The following POU2AF2 variants were observed in gnomAD, a reference collection of about 807,000 sequenced individuals.
POU2AF2 encodes POU class 2 homeobox associating factor 2, also known as POU domain class 2-associating factor 2.
the POU2AF2 span, among the ~76,000 whole-genome samples, chr11:111,274,917 C>G: frequency 1.1e-4 from 17 of 152,068 alleles, no homozygotes; most frequent in East Asian, 1.9e-4. Flanking sequence ...TCAGGTTATT[C>G]TCTCTATGCT....
At chr11:111,281,484 A>C in the POU2AF2 span, 1 of 1,600,456 alleles carries the variant, frequency 6.2e-7, no homozygotes, top group Non-Finnish European at 8.6e-7. Context: ...TTTTGAATTT[A>C]AATCAAGCAT....
At chr11:111,275,749 A>G in the POU2AF2 span, among the ~76,000 whole-genome samples, 1 of 152,310 alleles carries the variant, frequency 6.6e-6, no homozygotes, top group South Asian at 2.1e-4. Flanking sequence ...AATACATAAC[A>G]CTTAATACAT....
the POU2AF2 span, chr11:111,286,244 T>C: frequency 1.6e-6 from 1 of 614,486 alleles, no homozygotes; most frequent in East Asian, 3.3e-5. Flanking sequence ...AGAATGTTAA[T>C]TAAATGTGTC....
the POU2AF2 span, among the ~76,000 whole-genome samples, chr11:111,247,394 G>A: frequency 2.0e-5 from 3 of 152,162 alleles, no homozygotes; most frequent in Admixed American, 1.3e-4. Flanking sequence ...GGAGTTTGTG[G>A]ATACCTACAG....
chr11:111,268,329 A>C, the POU2AF2 span, among the ~76,000 whole-genome samples: 1 of 152,026 alleles, frequency 6.6e-6, no homozygotes, highest in East Asian at 1.9e-4. Context: ...TTTACCATAA[A>C]AATTATTTTT....
the POU2AF2 span, among the ~76,000 whole-genome samples, chr11:111,249,807 T>C: frequency 3.3e-5 from 5 of 152,152 alleles, no homozygotes; most frequent in East Asian, 5.8e-4. Flanking sequence ...TTCCTACATT[T>C]CTGGCCTCTC....
the POU2AF2 span, among the ~76,000 whole-genome samples, chr11:111,278,003 G>A: frequency 6.6e-6 from 1 of 152,128 alleles, no homozygotes; most frequent in East Asian, 1.9e-4. Context: ...AATATTAAGG[G>A]ACCTACTTCT....
the POU2AF2 span, among the ~76,000 whole-genome samples, chr11:111,271,527 T>C: frequency 3.3e-5 from 5 of 152,080 alleles, no homozygotes; most frequent in Non-Finnish European, 5.9e-5. Flanking sequence ...GCTCGGGAGA[T>C]CTTCCTGCCT....
chr11:111,254,787 G>A, the POU2AF2 span, among the ~76,000 whole-genome samples: 113,514 of 152,076 alleles, frequency 0.75, 42,708 homozygotes, highest in South Asian at 0.83. Context: ...TGCCTCATAC[G>A]TACATTTGTT....
the POU2AF2 span, among the ~76,000 whole-genome samples, chr11:111,272,287 C>A: frequency 3.3e-5 from 5 of 152,174 alleles, no homozygotes; most frequent in Admixed American, 6.5e-5. Context: ...CCCCAAACTT[C>A]ATCCCTGCCC....
chr11:111,256,226 G>A, the POU2AF2 span: 2 of 396,086 alleles, frequency 5.0e-6, no homozygotes, highest in Non-Finnish European at 8.9e-6. Flanking sequence ...ACGCAGTATA[G>A]AATTATTCTG....
At chr11:111,276,453 A>AAAAAATATATATATATATAT in the POU2AF2 span, among the ~76,000 whole-genome samples, 4 of 37,650 alleles carry the variant, frequency 1.1e-4, no homozygotes, top group South Asian at 1.1e-3. Flanking sequence ...AAAAAAAAAA[A>AAAAAATATATATATATATAT]ATATATATAT....
the POU2AF2 span, among the ~76,000 whole-genome samples, chr11:111,255,587 G>A: frequency 6.6e-6 from 1 of 152,324 alleles, no homozygotes; most frequent in East Asian, 1.9e-4. Flanking sequence ...CTGTTATGCT[G>A]TAACCTGAAT....
At chr11:111,276,453 A>AAAAAAATTATAT in the POU2AF2 span, among the ~76,000 whole-genome samples, 1 of 37,692 alleles carries the variant, frequency 2.7e-5, no homozygotes, top group African/African-American at 9.6e-5. Flanking sequence ...AAAAAAAAAA[A>AAAAAAATTATAT]ATATATATAT....
At chr11:111,273,481 G>A in the POU2AF2 span, among the ~76,000 whole-genome samples, 2 of 152,206 alleles carry the variant, frequency 1.3e-5, no homozygotes, top group Admixed American at 1.3e-4. Flanking sequence ...ATATCTCAAA[G>A]AGGGATATCA....
At chr11:111,268,148 C>T in the POU2AF2 span, among the ~76,000 whole-genome samples, 3 of 152,174 alleles carry the variant, frequency 2.0e-5, no homozygotes, top group African/African-American at 7.2e-5. Context: ...CCTCCACAAC[C>T]ATCAGCATAT....
the POU2AF2 span, among the ~76,000 whole-genome samples, chr11:111,251,123 T>C: frequency 3.3e-5 from 5 of 152,178 alleles, no homozygotes; most frequent in Admixed American, 6.5e-5. Context: ...GGAAAAACAG[T>C]TGGAAGGCTG....
the POU2AF2 span, among the ~76,000 whole-genome samples, chr11:111,264,394 G>A: frequency 1.3e-5 from 2 of 151,886 alleles, no homozygotes; most frequent in African/African-American, 4.8e-5. Context: ...TACTCAGGAG[G>A]CTGAGGCACA....
chr11:111,268,474 C>CTTTTTTTTTTTTTTTTTTTTTT, the POU2AF2 span, among the ~76,000 whole-genome samples: 2 of 70,794 alleles, frequency 2.8e-5, no homozygotes, highest in Non-Finnish European at 6.8e-5. Flanking sequence ...CTACATTTTT[C>CTTTTTTTTTTTTTTTTTTTTTT]TTTTTTTATT....
Sources: gnomAD v4.1 joint callset for allele counts (sites outside exome capture counted in the v4.1 genomes callset) on GRCh38, gnomAD v4.1.1 for gene constraint, MANE v1.5 for transcripts, NCBI Gene and HGNC (gene_info 2026-07-23, HGNC 2026-07-21) for gene names.